The following LPIN2 variants were observed in gnomAD, a reference collection of about 807,000 sequenced individuals.
LPIN2 encodes lipin 2.
In LPIN2, 55 loss-of-function variants were observed where a neutral mutation model predicts 111.4. The ratio of observed to expected loss-of-function variants is 0.49; its 90% CI spans 0.40 to 0.62. LPIN2 has a LOEUF of 0.62. Among genes scored for constraint, LPIN2 ranks in the 20% least tolerant of loss-of-function variants. The pLI is 0.00. For missense variants in LPIN2, 992 were observed against 1,112.1 expected (o/e 0.89, Z 1.54); for synonymous variants, 425 against 414.0 (o/e 1.03, Z -0.32).
At chr18:2,998,082 T>C (rs2078372730) in intron 1 of LPIN2, among the ~76,000 whole-genome samples, 1 of 152,198 alleles carries the variant, frequency 6.6e-6, no homozygotes. Flanking sequence ...CCTGCTTTAT[T>C]AAATTCTGCA....
chr18:2,979,793 C>T (rs1037115188), intron 1 of LPIN2, among the ~76,000 whole-genome samples: 3 of 152,170 alleles, frequency 2.0e-5, no homozygotes, highest in African/African-American at 7.2e-5. Flanking sequence ...AAAACAAAGA[C>T]TTTCAGAGAA....
chr18:2,935,043 A>G (rs1251542826), intron 7 of LPIN2, among the ~76,000 whole-genome samples: 1 of 152,220 alleles, frequency 6.6e-6, no homozygotes, highest in Non-Finnish European at 1.5e-5. Flanking sequence ...AATTCAAACA[A>G]TAACTCTAAG....
chr18:2,978,273 T>C (rs1598593095), intron 1 of LPIN2, among the ~76,000 whole-genome samples: 2 of 151,980 alleles, frequency 1.3e-5, no homozygotes, highest in African/African-American at 4.8e-5. Context: ...TTCCCCAAGA[T>C]ACACATTCAT....
Position 2,960,770 on chromosome 18 carries a change from T to G in LPIN2, c.71A>C (p.Gln24Pro). The part of the protein sequence containing the change: ...TVKELYKGIN[Q>P]ATLSGCIDVI... Reference sequence around the variant, plus strand: ...ATCAATGCACCCAGAGAGGGTGGCCTGGTTAATGCCCTTGTAGAGTTCCTT... The same window carrying G: ...ATCAATGCACCCAGAGAGGGTGGCCGGGTTAATGCCCTTGTAGAGTTCCTT... Residue 24 changes from glutamine to proline, a missense_variant, in exon 2 of 20, where the codon CAG (glutamine) becomes CCG (proline). Gln to Pro is a moderately conservative substitution (Grantham distance 76). This residue lies in a region of LPIN2 where 67 missense variants were observed against 112.1 expected (regional missense o/e 0.60). Coordinates refer to ENST00000677752, the MANE Select transcript of LPIN2 (RefSeq NM_001375808.2). 1 of 1,614,138 alleles carries G rather than the reference T, an allele frequency of 6.2e-7. No homozygotes were observed. Among genetic ancestry groups the G allele is most frequent in the Non-Finnish European group, 8.5e-7 (1 of 1,180,010 alleles).
intron 8 of LPIN2, among the ~76,000 whole-genome samples, chr18:2,933,272 G>A (rs1598534145): frequency 6.6e-6 from 1 of 152,116 alleles, no homozygotes; most frequent in South Asian, 2.1e-4. Context: ...GTGGAGTAAG[G>A]TATCATCACC....
intron 1 of LPIN2, among the ~76,000 whole-genome samples, chr18:2,973,293 T>C (rs528808249): frequency 5.9e-5 from 9 of 152,320 alleles, no homozygotes; most frequent in African/African-American, 1.4e-4. Flanking sequence ...GCCACCACTA[T>C]AATCAAGATA....
chr18:2,927,867 C>T, intron 11 of LPIN2, 56 bp from the exon 12 acceptor site: 4 of 1,413,406 alleles, frequency 2.8e-6, no homozygotes, highest in Non-Finnish European at 4.0e-6. Flanking sequence ...ACAGCACCTA[C>T]CTTCTATGCT....
intron 1 of LPIN2, among the ~76,000 whole-genome samples, chr18:2,972,775 A>G (rs1434894338): frequency 6.6e-6 from 1 of 152,202 alleles, no homozygotes; most frequent in African/African-American, 2.4e-5. Flanking sequence ...GTAAAACTAA[A>G]TGGTTCCTGT....
chr18:2,953,943 G>A (rs2077575054), intron 3 of LPIN2, among the ~76,000 whole-genome samples: 1 of 152,158 alleles, frequency 6.6e-6, no homozygotes, highest in East Asian at 1.9e-4. Context: ...GGGGAGGGGG[G>A]ATTTTAACAA....
chr18:2,955,362 TAGTGAG>T (rs1169294386), intron 2 of LPIN2, among the ~76,000 whole-genome samples: 1 of 152,010 alleles, frequency 6.6e-6, no homozygotes, highest in East Asian at 1.9e-4. Context: ...ACACGTCACA[TAGTGAG>T]AGCAGGTGCA....
chr18:2,919,835 C>G lies in LPIN2; in HGVS notation c.*458G>C. 4.5e-6 allele frequency: 1 copy of G among 223,634 alleles called. No individual in the cohort carries two copies. The highest frequency in any genetic ancestry group is 9.1e-6 in the Non-Finnish European group (1 of 109,552). The allele number at this position is 223,634 out of a possible 1,614,324, so 13.9% of individuals were successfully genotyped here. The stretch of plus-strand genomic sequence containing the variant: ...AGAAACGTGCACAGGCAGCTTCAGC[C>G]AGCATCACTGACTGGGCCCGCAGCA... On this transcript the variant is annotated 3_prime_UTR_variant, in exon 20 of 20. Transcript: ENST00000677752.
intron 1 of LPIN2, among the ~76,000 whole-genome samples, chr18:2,991,481 T>C (rs1190859808): frequency 6.6e-6 from 1 of 151,888 alleles, no homozygotes; most frequent in Non-Finnish European, 1.5e-5. Flanking sequence ...CGGACTAAGG[T>C]GGGAGGATCA....
intron 1 of LPIN2, among the ~76,000 whole-genome samples, chr18:2,997,667 A>G (rs2078366391): frequency 6.6e-6 from 1 of 152,206 alleles, no homozygotes; most frequent in African/African-American, 2.4e-5. Context: ...GTGGGGGGAG[A>G]GCAGGCTCTT....
chr18:2,981,886 C>T (rs1225033477), intron 1 of LPIN2, among the ~76,000 whole-genome samples: 1 of 152,168 alleles, frequency 6.6e-6, no homozygotes, highest in South Asian at 2.1e-4. Context: ...TTTTGTCTCA[C>T]TGATTTTATG....
intron 1 of LPIN2, among the ~76,000 whole-genome samples, chr18:2,979,512 A>G (rs1370279045): frequency 6.6e-6 from 1 of 152,232 alleles, no homozygotes; most frequent in Admixed American, 6.5e-5. Context: ...CAGTTGTAGT[A>G]CAATAAATAT....
At chr18:2,996,650 TG>T (rs2078349936) in intron 1 of LPIN2, among the ~76,000 whole-genome samples, 1 of 150,826 alleles carries the variant, frequency 6.6e-6, no homozygotes, top group African/African-American at 2.4e-5. Context: ...GCTAATTTTT[TG>T]TATTTTTAGT....
intron 1 of LPIN2, among the ~76,000 whole-genome samples, chr18:3,007,729 T>C (rs2078538516): frequency 6.6e-6 from 1 of 152,198 alleles, no homozygotes; most frequent in Non-Finnish European, 1.5e-5. Context: ...TCCATAACAA[T>C]TCAAGCAGCT....
intron 1 of LPIN2, among the ~76,000 whole-genome samples, chr18:2,988,347 T>C (rs1173795518): frequency 6.6e-6 from 1 of 152,236 alleles, no homozygotes; most frequent in African/African-American, 2.4e-5. Context: ...AGTTTCACAA[T>C]GTTTAGAAAT....
intron 8 of LPIN2, 45 bp downstream of exon 8, chr18:2,934,306 T>C (rs1255350840): frequency 3.1e-6 from 4 of 1,300,710 alleles, no homozygotes; most frequent in Non-Finnish European, 4.5e-6. Context: ...TAGAAATAAC[T>C]AGACTATTTC....
Sources: allele counts gnomAD v4.1 joint callset (sites outside exome capture counted in the v4.1 genomes callset), GRCh38; gene constraint gnomAD v4.1.1; regional missense constraint gnomAD v4.1.1; transcripts MANE v1.5; gene names NCBI Gene and HGNC (gene_info 2026-07-23, HGNC 2026-07-21).